The following ATRX variants were observed in gnomAD, a reference collection of about 807,000 sequenced individuals.
The protein encoded by ATRX is chromatin remodeler ATRX.
ATRX carries 12 observed loss-of-function variants against 172.6 expected under a neutral mutation model. The observed-to-expected ratio is 0.07, with a 90% CI of 0.04 to 0.11. The LOEUF is 0.11. Ranked by LOEUF, ATRX falls within the 10% of genes least tolerant of loss-of-function variation. The pLI, the probability that ATRX is intolerant of heterozygous loss-of-function variation, is 1.00. For missense variants in ATRX, 1,368 were observed against 1,767.4 expected (o/e 0.77, Z 4.05); for synonymous variants, 674 against 594.7 (o/e 1.13, Z -1.94).
intron 10 of ATRX, among the ~76,000 whole-genome samples, chrX:77,673,144 T>G (rs891211205): frequency 1.8e-5 from 2 of 110,697 alleles, no homozygotes; most frequent in Non-Finnish European, 3.8e-5. Flanking sequence ...TATTAGAAAA[T>G]GTTTGGTCAA....
At position 77,681,800 on chromosome X, in the gene ATRX, G is replaced by A. The variant is rs2071214967; in HGVS notation, c.3456C>T (p.Gly1152=). Residue 1152 remains glycine (G), a synonymous_variant, in exon 9 of 35, where the codon GGC becomes GGT. Coordinates refer to ENST00000373344, the MANE Select transcript of ATRX (RefSeq NM_000489.6). ...SKRNTKEIQS[G]SSSSDAEESS... is the part of the protein sequence containing the mutation. ...TTTCCTCAGCATCAGATGATGATGAGCCACTTTGTATTTCCTTAGTATTTC... is the reference window on the plus strand; with the variant it reads ...TTTCCTCAGCATCAGATGATGATGAACCACTTTGTATTTCCTTAGTATTTC... 8.4e-7 allele frequency: 1 copy of A among 1,197,391 alleles called. No individual in the cohort carries two copies. Among genetic ancestry groups the A allele is most frequent in the East Asian group, 3.0e-5 (1 of 33,713 alleles).
intron 30 of ATRX, among the ~76,000 whole-genome samples, chrX:77,526,568 G>A (rs1242522667): frequency 1.8e-5 from 2 of 112,137 alleles, no homozygotes; most frequent in African/African-American, 3.2e-5. Flanking sequence ...TTCCCAAAGT[G>A]CTGGGATTTC....
intron 30 of ATRX, among the ~76,000 whole-genome samples, chrX:77,525,714 C>T (rs186421707): frequency 1.6e-3 from 184 of 112,049 alleles, no homozygotes; most frequent in Non-Finnish European, 2.9e-3. Flanking sequence ...CTTAGTCTAG[C>T]TATGACTGTA....
intron 34 of ATRX, among the ~76,000 whole-genome samples, chrX:77,515,788 T>C (rs1172245516): frequency 8.9e-6 from 1 of 112,353 alleles, no homozygotes; most frequent in Non-Finnish European, 1.9e-5. Flanking sequence ...ATCAAAAATC[T>C]ACTTTCTCAT....
At chrX:77,784,094 G>A (rs1257095986) in intron 1 of ATRX, among the ~76,000 whole-genome samples, 20 of 112,157 alleles carry the variant, frequency 1.8e-4, no homozygotes, top group African/African-American at 6.5e-4. Flanking sequence ...GCTGAAGGGG[G>A]CATTAATGCC....
intron 1 of ATRX, among the ~76,000 whole-genome samples, chrX:77,770,631 T>TA (rs1417470042): frequency 8.9e-6 from 1 of 112,125 alleles, no homozygotes; most frequent in Non-Finnish European, 1.9e-5. Flanking sequence ...ATAATTGTTC[T>TA]ATACTCTTCA....
Position 77,693,813 on chromosome X carries a change from C to T in ATRX, c.484+11G>A, listed in dbSNP as rs782178071. ...AATTTAAATTCATGTTTCATTTTCACTTGTATTTACCTCCGCGTTTTTTGA... is the reference window on the plus strand; with the variant it reads ...AATTTAAATTCATGTTTCATTTTCATTTGTATTTACCTCCGCGTTTTTTGA... On this transcript the variant is annotated intron_variant, in intron 6 of 34. Transcript: ENST00000373344. 2.6e-6 allele frequency: 3 copies of T among 1,169,825 alleles called. No homozygotes were observed. The highest frequency in any genetic ancestry group is 3.6e-5 in the South Asian group (2 of 56,053).
At position 77,681,672 on chromosome X, in the gene ATRX, C is replaced by A. The variant is rs1171356231; in HGVS notation, c.3584G>T (p.Arg1195Met). The A allele has an allele frequency of 1.7e-6, 2 of 1,206,509 alleles. No individual in the cohort carries two copies. The highest frequency in any genetic ancestry group is 3.5e-5 in the African/African-American group (2 of 56,858). Residue 1195 changes from arginine (R) to methionine (M), a missense_variant, in exon 9 of 35, where the codon AGG becomes ATG. Transcript: ENST00000373344. ...KRNSLRTSTK[R>M]KQADITSSSS... ...TGAGGATGTAATGTCAGCTTGCTTC[C>A]TTTTAGTGCTTGTTCTTAGGGAGTT... is the stretch of plus-strand genomic sequence containing the variant.
intron 1 of ATRX, among the ~76,000 whole-genome samples, chrX:77,763,438 C>A (rs1386517046): frequency 1.9e-5 from 2 of 103,072 alleles, no homozygotes; most frequent in East Asian, 6.1e-4. Context: ...GCCACCGGGC[C>A]CAACCCATTA....
chrX:77,511,008 G>T (rs2062851206), intron 34 of ATRX, among the ~76,000 whole-genome samples: 1 of 112,758 alleles, frequency 8.9e-6, no homozygotes, highest in Non-Finnish European at 1.9e-5. Flanking sequence ...GCAGGCTTCA[G>T]GTCTAACCCA....
chrX:77,644,315 A>G (rs781873028), intron 15 of ATRX, among the ~76,000 whole-genome samples: 17 of 112,509 alleles, frequency 1.5e-4, no homozygotes, highest in Non-Finnish European at 2.8e-4. Flanking sequence ...GATGACACAC[A>G]ACAAGAACAC....
intron 1 of ATRX, among the ~76,000 whole-genome samples, chrX:77,757,295 C>T (rs1557190694): frequency 9.0e-6 from 1 of 111,656 alleles, no homozygotes; most frequent in African/African-American, 3.3e-5. Context: ...CCCAAGGTTA[C>T]ACAGCAAGAG....
At chrX:77,655,424 A>G (rs1246609622) in intron 13 of ATRX, among the ~76,000 whole-genome samples, 1 of 110,199 alleles carries the variant, frequency 9.1e-6, no homozygotes, top group Admixed American at 9.7e-5. Flanking sequence ...ATGCTAAGTG[A>G]AAAAAAAATC....
At chrX:77,564,878 A>T (rs1254199920) in intron 28 of ATRX, among the ~76,000 whole-genome samples, 2 of 111,778 alleles carry the variant, frequency 1.8e-5, no homozygotes, top group Admixed American at 1.9e-4. Context: ...ATGCAGCTGA[A>T]TCCTCACCTT....
chrX:77,701,572 A>C (rs2072514907), intron 2 of ATRX, among the ~76,000 whole-genome samples: 1 of 111,210 alleles, frequency 9.0e-6, no homozygotes, highest in South Asian at 3.7e-4. Flanking sequence ...TTTAAAATCT[A>C]CAAAAACCCA....
At chrX:77,517,591 G>A (rs1422044023) in intron 34 of ATRX, among the ~76,000 whole-genome samples, 3 of 111,883 alleles carry the variant, frequency 2.7e-5, no homozygotes, top group Non-Finnish European at 5.7e-5. Context: ...TTTACCAAAC[G>A]TTTAAAGAAG....
intron 1 of ATRX, among the ~76,000 whole-genome samples, chrX:77,781,854 C>T (rs535024894): frequency 3.6e-5 from 4 of 111,871 alleles, no homozygotes; most frequent in African/African-American, 9.7e-5. Flanking sequence ...AAGAATTGCC[C>T]GTATCCTATT....
intron 19 of ATRX, among the ~76,000 whole-genome samples, chrX:77,621,304 T>C (rs1452360547): frequency 1.8e-5 from 2 of 111,348 alleles, no homozygotes; most frequent in African/African-American, 6.5e-5. Context: ...ACATATTTTT[T>C]TTCTTTTCTT....
At chrX:77,546,039 CCACAGTAT>C (rs2064227558) in intron 30 of ATRX, among the ~76,000 whole-genome samples, 1 of 111,138 alleles carries the variant, frequency 9.0e-6, no homozygotes, top group Admixed American at 9.7e-5. Context: ...TTCCATAAAC[CCACAGTAT>C]TGATTAAAAC....
Sources: allele counts gnomAD v4.1 joint callset (sites outside exome capture counted in the v4.1 genomes callset), GRCh38; gene constraint gnomAD v4.1.1; transcripts MANE v1.5; gene names NCBI Gene and HGNC (gene_info 2026-07-23, HGNC 2026-07-21).